Variants in ADGRV1 observed in about 807,000 individuals in gnomAD.
ADGRV1 encodes adhesion G protein-coupled receptor V1.
A neutral mutation model predicts 596.2 loss-of-function variants in ADGRV1; 359 were observed. The observed-to-expected ratio is 0.60, with a 90% confidence interval of 0.55 to 0.66. The LOEUF is 0.66. Ranked by LOEUF, ADGRV1 falls within the 30% of genes least tolerant of loss-of-function variation. The pLI is 0.00. For synonymous variants in ADGRV1, 2,681 were observed against 2,679.2 expected (o/e 1.00, Z -0.02); for missense variants, 7,274 against 7,575.6 (o/e 0.96, Z 1.48).
chr5:90,953,023 T>C (rs1480347326), intron 83 of ADGRV1, among the ~76,000 whole-genome samples: 3 of 152,192 alleles, frequency 2.0e-5, no homozygotes, highest in African/African-American at 7.2e-5. Context: ...GTGAGGTTCA[T>C]TGGTTAGCTT....
At chr5:90,592,914 G>C (rs903416945) in intron 1 of ADGRV1, among the ~76,000 whole-genome samples, 1 of 152,184 alleles carries the variant, frequency 6.6e-6, no homozygotes, top group African/African-American at 2.4e-5. Context: ...TCTCATGCCA[G>C]TTAGAATGGC....
Position 90,823,537 on chromosome 5 carries a change from A to G in ADGRV1, c.16309A>G (p.Thr5437Ala), listed in dbSNP as rs770471921. Residue 5437 changes from threonine to alanine, a missense_variant, in exon 76 of 90, where the codon ACA becomes GCA. By Grantham distance (58) the Thr-to-Ala change is moderately conservative (BLOSUM62 0). Transcript: ENST00000405460. ...GGAACTTCAGTCTGTGTCAGGGACC[A>G]CAACCTGTACAATGGGTCAAACAAA... is the stretch of plus-strand genomic sequence containing the variant. ...VEELQSVSGT[T>A]TCTMGQTKCF... 6 of 1,614,010 alleles carry G rather than the reference A, an allele frequency of 3.7e-6. No individual in the cohort carries two copies. The highest frequency in any genetic ancestry group is 5.1e-6 in the Non-Finnish European group (6 of 1,179,870).
At position 90,689,332 on chromosome 5, in the gene ADGRV1, C is replaced by CTT. The variant is rs34756274; in HGVS notation, c.6491-507_6491-506dup. On this transcript the variant is annotated intron_variant, in intron 29 of 89. Coordinates refer to ENST00000405460, the MANE Select transcript of ADGRV1 (RefSeq NM_032119.4). ...AAGCACCCCTCCTTTCCCCACCCAC[C>CTT]TTTTTTTTTTTTTTTTTTTTTTTCT... 4.0e-3 allele frequency among the ~76,000 whole-genome samples: 416 copies of CTT among 104,346 alleles called. 6 individuals are homozygous for CTT. The highest frequency in any genetic ancestry group is 8.4e-3 in the African/African-American group (204 of 24,156). The allele number at this position is 104,346 out of a possible 152,430, so 68.5% of individuals were successfully genotyped here.
chr5:91,061,641 C>A (rs1050140999), intron 85 of ADGRV1, among the ~76,000 whole-genome samples: 2 of 152,024 alleles, frequency 1.3e-5, no homozygotes, highest in African/African-American at 4.8e-5. Flanking sequence ...TGTAATGTGT[C>A]CATTTTTCTT....
intron 85 of ADGRV1, among the ~76,000 whole-genome samples, chr5:91,069,958 T>C (rs1204171543): frequency 3.3e-5 from 5 of 151,954 alleles, no homozygotes; most frequent in Non-Finnish European, 5.9e-5. Context: ...ATCATGTCCT[T>C]TGCGACAGCA....
At position 90,694,647 on chromosome 5, in the gene ADGRV1, G is replaced by T; in HGVS notation, c.7891G>T (p.Ala2631Ser). Reference protein sequence around the residue: ...AVEWRVVGGTATEGLDFIGAG... With the variant: ...AVEWRVVGGTSTEGLDFIGAG... ...CGAATGGCGTGTTGTTGGTGGAACA[G>T]CTACTGAAGGTTTAGATTTTATAGG... Residue 2631 changes from alanine to serine, a missense_variant, in exon 33 of 90, where the codon GCT (alanine) becomes TCT (serine). Physicochemically the swap from Ala to Ser is moderately conservative, Grantham distance 99 (BLOSUM62 1). Around this residue, in one of 5 missense-constraint regions of ADGRV1, gnomAD observed 3,643 missense variants for 3,809.2 expected, o/e 0.96. Coordinates refer to ENST00000405460, the MANE Select transcript of ADGRV1 (RefSeq NM_032119.4). The T allele has an allele frequency of 6.2e-7, 1 of 1,612,360 alleles. No individual in the cohort carries two copies. The highest frequency in any genetic ancestry group is 1.7e-5 in the Admixed American group (1 of 59,918).
intron 1 of ADGRV1, among the ~76,000 whole-genome samples, chr5:90,579,452 T>C (rs1039243652): frequency 6.6e-6 from 1 of 152,240 alleles, no homozygotes; most frequent in Admixed American, 6.5e-5. Flanking sequence ...CTAATTTGAT[T>C]GCACTGTGGT....
In ADGRV1 at chr5:90,637,735, C is replaced by T; in HGVS notation, c.2027C>T (p.Pro676Leu). 6.2e-7 allele frequency: 1 copy of T among 1,607,370 alleles called. No homozygotes were observed. Among genetic ancestry groups the T allele is most frequent in the African/African-American group, 1.3e-5 (1 of 74,668 alleles). ...TTTTCTTTTTATAAGGTATACATTC[C>T]CTTACATCGGGATGGAACTGATGGC... Reference protein sequence around the residue: ...EDFAAEVVYIPLHRDGTDGQA... With the variant: ...EDFAAEVVYILLHRDGTDGQA... Residue 676 changes from proline (P) to leucine (L), a missense_variant, in exon 11 of 90, where the codon CCC (proline) becomes CTC (leucine). By Grantham distance (98) the Pro-to-Leu change is moderately conservative. Coordinates refer to ENST00000405460, the MANE Select transcript of ADGRV1 (RefSeq NM_032119.4).
intron 85 of ADGRV1, among the ~76,000 whole-genome samples, chr5:91,037,376 CTGTCAGTGCCTTTGCT>C: frequency 6.6e-6 from 1 of 152,220 alleles, no homozygotes; most frequent in African/African-American, 2.4e-5. Flanking sequence ...AGAATGAAAG[CTGTCAGTGCCTTTGCT>C]TGCAAGCCAT....
chr5:90,869,166 A>G (rs1026377932), intron 83 of ADGRV1, among the ~76,000 whole-genome samples: 2 of 152,180 alleles, frequency 1.3e-5, no homozygotes, highest in East Asian at 3.8e-4. Context: ...CCCAGTTTGC[A>G]AAGTCTCTGT....
chr5:90,569,375 A>ATT (rs1756126319), intron 1 of ADGRV1, among the ~76,000 whole-genome samples: 1 of 20,940 alleles, frequency 4.8e-5, no homozygotes, highest in Non-Finnish European at 7.9e-5. Flanking sequence ...ATATATATAT[A>ATT]TATATATATA....
chr5:90,755,661 G>GGA (rs1031614709), intron 55 of ADGRV1, among the ~76,000 whole-genome samples: 9 of 151,264 alleles, frequency 5.9e-5, no homozygotes, highest in Admixed American at 2.6e-4. Context: ...ATGTATGTAT[G>GGA]GAGAGAGAGA....
At chr5:90,749,793 G>T (rs113803774) in intron 52 of ADGRV1, among the ~76,000 whole-genome samples, 232 of 152,286 alleles carry the variant, frequency 1.5e-3, no homozygotes, top group African/African-American at 5.3e-3. Flanking sequence ...GTGAAGAATG[G>T]TGTAGTCACA....
chr5:90,639,539 A>T (rs898133082), intron 11 of ADGRV1, among the ~76,000 whole-genome samples: 1 of 152,136 alleles, frequency 6.6e-6, no homozygotes, highest in East Asian at 1.9e-4. Context: ...TCTATCCCCT[A>T]TGGGTAAAAA....
At chr5:90,674,865 T>C (rs953017907) in intron 23 of ADGRV1, among the ~76,000 whole-genome samples, 1 of 152,182 alleles carries the variant, frequency 6.6e-6, no homozygotes, top group African/African-American at 2.4e-5. Flanking sequence ...GCAACTCCTT[T>C]AAGGTGCCAT....
At chr5:90,659,103 C>T (rs1443440547) in intron 21 of ADGRV1, among the ~76,000 whole-genome samples, 1 of 152,166 alleles carries the variant, frequency 6.6e-6, no homozygotes. Context: ...GAGTGTCTTT[C>T]TTGCCACTTT....
Position 90,985,495 on chromosome 5 carries a change from A to G in ADGRV1, c.18125A>G (p.Gln6042Arg), listed in dbSNP as rs764963960. 10 of 1,613,858 alleles carry G rather than the reference A, an allele frequency of 6.2e-6. No individual in the cohort carries two copies. Among genetic ancestry groups the G allele is most frequent in the Middle Eastern group, 1.6e-4 (1 of 6,062 alleles). Residue 6042 changes from glutamine to arginine, a missense_variant, in exon 85 of 90, where the codon CAG becomes CGG. Gln to Arg is a conservative substitution (Grantham distance 43). Coordinates refer to ENST00000405460, the MANE Select transcript of ADGRV1 (RefSeq NM_032119.4). ...GGAATCTATCATCAGAGCATGTCAC[A>G]GATCTATGGACTCATTCATGGTGAC... The part of the protein sequence containing the change: ...LKGIYHQSMS[Q>R]IYGLIHGDLC...
chr5:90,593,181 G>A (rs541501112), intron 1 of ADGRV1, among the ~76,000 whole-genome samples: 3 of 152,272 alleles, frequency 2.0e-5, no homozygotes. Flanking sequence ...GTTCACAATA[G>A]CAAAGACTTG....
chr5:90,818,930 A>G (rs1763189096), intron 75 of ADGRV1, among the ~76,000 whole-genome samples: 1 of 151,238 alleles, frequency 6.6e-6, no homozygotes, highest in South Asian at 2.1e-4. Context: ...CTGGCCTCAT[A>G]AAATGAGTTA....
Sources: allele counts gnomAD v4.1 joint callset (sites outside exome capture counted in the v4.1 genomes callset), GRCh38; gene constraint gnomAD v4.1.1; regional missense constraint gnomAD v4.1.1; transcripts MANE v1.5; gene names NCBI Gene and HGNC (gene_info 2026-07-23, HGNC 2026-07-21).